The following CNTLN variants were observed in gnomAD, a reference collection of about 807,000 sequenced individuals.
CNTLN encodes the protein centlein, centrosomal protein.
CNTLN carries 212 observed loss-of-function variants against 180.0 expected under a neutral mutation model. The ratio of observed to expected loss-of-function variants is 1.18; its 90% CI spans 1.05 to 1.32. CNTLN has a LOEUF of 1.32. Ranked by LOEUF, CNTLN falls within the 40% of genes most tolerant of loss-of-function variation. CNTLN has a pLI of 0.00. For synonymous variants in CNTLN, 722 were observed against 563.1 expected, an observed-to-expected ratio of 1.28 and a Z score of -3.99; for missense variants, 2,095 against 1,610.9, an observed-to-expected ratio of 1.30 and a Z score of -5.14.
chr9:17,298,540 T>C, intron 7 of CNTLN, 188 bp downstream of exon 7: 1 of 1,278,684 alleles, frequency 7.8e-7, no homozygotes, highest in Non-Finnish European at 1.0e-6. Context: ...TTCTTTATGG[T>C]AATTAGAGCT....
intron 12 of CNTLN, among the ~76,000 whole-genome samples, chr9:17,353,768 G>A (rs141771642): frequency 0.018 from 2,779 of 152,034 alleles, 81 homozygotes; most frequent in African/African-American, 0.064. Context: ...AGGTGACAGC[G>A]TGCTGGCAGC....
At chr9:17,164,656 AG>A (rs762978769) in intron 2 of CNTLN, among the ~76,000 whole-genome samples, 21 of 151,154 alleles carry the variant, frequency 1.4e-4, no homozygotes, top group Non-Finnish European at 2.7e-4. Flanking sequence ...TATGTTGGCC[AG>A]GCTCGTCTCG....
intron 13 of CNTLN, among the ~76,000 whole-genome samples, chr9:17,369,160 A>C (rs1824093681): frequency 6.6e-6 from 1 of 152,194 alleles, no homozygotes; most frequent in Non-Finnish European, 1.5e-5. Flanking sequence ...ATAGTGAGTG[A>C]GTTCTCATGA....
chr9:17,306,762 T>G (rs1028336595), intron 7 of CNTLN, among the ~76,000 whole-genome samples: 10 of 152,194 alleles, frequency 6.6e-5, no homozygotes, highest in African/African-American at 2.4e-4. Context: ...TTTAATAATA[T>G]GTTCTATTAT....
At chr9:17,405,977 G>T (rs1827358103) in intron 15 of CNTLN, among the ~76,000 whole-genome samples, 4 of 151,700 alleles carry the variant, frequency 2.6e-5, no homozygotes, top group Admixed American at 2.6e-4. Flanking sequence ...GTTTCTCCAT[G>T]TTGGTCAGGC....
chr9:17,359,737 A>AAAAAAAAC (rs1564027329), intron 12 of CNTLN, among the ~76,000 whole-genome samples: 2 of 118,296 alleles, frequency 1.7e-5, no homozygotes, highest in African/African-American at 6.0e-5. Flanking sequence ...AAAAAAAAAA[A>AAAAAAAAC]AAAAAAAAAA....
chr9:17,197,443 A>G (rs1822206504), intron 2 of CNTLN, among the ~76,000 whole-genome samples: 1 of 152,138 alleles, frequency 6.6e-6, no homozygotes, highest in South Asian at 2.1e-4. Context: ...TCTAGGGTAC[A>G]TGTGCACAGT....
chr9:17,356,403 A>G (rs1221265454), intron 12 of CNTLN, among the ~76,000 whole-genome samples: 1 of 152,190 alleles, frequency 6.6e-6, no homozygotes, highest in African/African-American at 2.4e-5. Flanking sequence ...ATTATTTGCT[A>G]AGTTAGAGTA....
intron 18 of CNTLN, among the ~76,000 whole-genome samples, chr9:17,442,017 A>AC (rs1320596594): frequency 3.3e-5 from 5 of 152,130 alleles, no homozygotes. Flanking sequence ...AAACCTCAGA[A>AC]CTCCTGTATG....
intron 2 of CNTLN, among the ~76,000 whole-genome samples, chr9:17,194,987 G>A (rs1283839717): frequency 6.6e-6 from 1 of 152,094 alleles, no homozygotes; most frequent in Non-Finnish European, 1.5e-5. Flanking sequence ...CATGAGAACA[G>A]TATGGGGGAA....
chr9:17,233,614 T>G (rs1824946702), intron 3 of CNTLN, among the ~76,000 whole-genome samples: 1 of 152,162 alleles, frequency 6.6e-6, no homozygotes, highest in African/African-American at 2.4e-5. Flanking sequence ...GCAGTATTGT[T>G]TGTATACCCC....
chr9:17,180,376 A>T (rs1039903050), intron 2 of CNTLN, among the ~76,000 whole-genome samples: 3 of 146,178 alleles, frequency 2.1e-5, no homozygotes, highest in African/African-American at 7.5e-5. Context: ...ATATTATATT[A>T]TATATACATA....
intron 2 of CNTLN, among the ~76,000 whole-genome samples, chr9:17,201,470 T>C (rs1822523692): frequency 6.6e-6 from 1 of 152,062 alleles, no homozygotes; most frequent in Admixed American, 6.6e-5. Flanking sequence ...GACCTGGGCT[T>C]TTTTTTGGTT....
chr9:17,510,996 A>G, the CNTLN span, among the ~76,000 whole-genome samples: 5 of 152,228 alleles, frequency 3.3e-5, no homozygotes, highest in Admixed American at 1.3e-4. Flanking sequence ...CCCACCAACC[A>G]TGTCTGAGAG....
intron 5 of CNTLN, among the ~76,000 whole-genome samples, chr9:17,267,661 C>T (rs1827584486): frequency 6.6e-6 from 1 of 152,172 alleles, no homozygotes; most frequent in South Asian, 2.1e-4. Flanking sequence ...TTCTCCCCGA[C>T]ACTTTCAGGT....
At chr9:17,167,699 A>G (rs1820169267) in intron 2 of CNTLN, 1 of 152,236 alleles carries the variant, frequency 6.6e-6, no homozygotes, top group Admixed American at 6.5e-5. Context: ...GAGGTTGTTA[A>G]TAACAGAGTG....
At chr9:17,175,055 T>A (rs1327977826) in intron 2 of CNTLN, among the ~76,000 whole-genome samples, 1 of 152,200 alleles carries the variant, frequency 6.6e-6, no homozygotes, top group Non-Finnish European at 1.5e-5. Flanking sequence ...TTTTGTCAAC[T>A]ATGTGGTTTG....
rs145281770 is a variant in CNTLN, at chr9:17,208,307, C to G, written c.450-17896C>G. Reference sequence around the variant, plus strand: ...GCATATGTTGAACTATTATTGCTTCCCCAGGATAAATCCCACTGTGTCATG... The same window carrying G: ...GCATATGTTGAACTATTATTGCTTCGCCAGGATAAATCCCACTGTGTCATG... On this transcript the variant is annotated intron_variant, in intron 2 of 25. Transcript: ENST00000380647. Among the ~76,000 whole-genome samples, 533 of 152,094 alleles carry G rather than the reference C, an allele frequency of 3.5e-3. 6 individuals are homozygous for G. Among genetic ancestry groups the G allele is most frequent in the African/African-American group, 0.012 (495 of 41,468 alleles).
chr9:17,326,637 G>A (rs1820310847), intron 8 of CNTLN, among the ~76,000 whole-genome samples: 1 of 152,114 alleles, frequency 6.6e-6, no homozygotes, highest in Non-Finnish European at 1.5e-5. Context: ...GGAGTAATCT[G>A]ACAAAACTCT....
Sources: allele counts gnomAD v4.1 joint callset (sites outside exome capture counted in the v4.1 genomes callset), GRCh38; gene constraint gnomAD v4.1.1; transcripts MANE v1.5; gene names NCBI Gene and HGNC (gene_info 2026-07-23, HGNC 2026-07-21).